The following TMC2 variants were observed in gnomAD, a reference collection of about 807,000 sequenced individuals.
The protein encoded by TMC2 is transmembrane channel-like protein 2.
TMC2 carries 102 observed loss-of-function variants against 105.9 expected under a neutral mutation model. The observed-to-expected ratio is 0.96, with a 90% CI of 0.82 to 1.14. TMC2 has a LOEUF of 1.14. Ranked by LOEUF, TMC2 falls within the 50% of genes most tolerant of loss-of-function variation. TMC2 has a pLI of 0.00. For synonymous variants in TMC2, 402 were observed against 422.8 expected (o/e 0.95, Z 0.60); for missense variants, 1,093 against 1,134.3 (o/e 0.96, Z 0.52).
intron 4 of TMC2, among the ~76,000 whole-genome samples, chr20:2,571,353 A>G (rs1374718378): frequency 1.3e-5 from 2 of 152,230 alleles, no homozygotes; most frequent in Non-Finnish European, 2.9e-5. Context: ...ATGAACAAAC[A>G]CTTCTCAAAA....
Position 2,562,162 on chromosome 20 carries a change from G to T in TMC2, c.554+152G>T, listed in dbSNP as rs927462517. 3.6e-5 allele frequency: 36 copies of T among 1,002,484 alleles called. No individual in the cohort carries two copies. In the African/African-American group the frequency reaches 4.5e-4, roughly 13 times the overall value. 62.1% of individuals were successfully genotyped at this position (1,002,484 alleles called of 1,614,324 possible). ...ACTCAGGGAGCCCCATGAGAGCCAA[G>T]GCGGCCGTGCTGTTCGCCAGCACCA... On this transcript the variant is annotated intron_variant, in intron 4 of 19. Transcript: ENST00000358864.
At chr20:2,599,539 A>ATT (rs11409325) in intron 10 of TMC2, among the ~76,000 whole-genome samples, 1,055 of 85,408 alleles carry the variant, frequency 0.012, 17 homozygotes, top group African/African-American at 0.029. Context: ...CTTTAATTAC[A>ATT]TTTTTTTTTT....
intron 14 of TMC2, among the ~76,000 whole-genome samples, chr20:2,614,847 T>C (rs563203484): frequency 2.0e-4 from 31 of 152,054 alleles, no homozygotes; most frequent in Middle Eastern, 3.4e-3. Flanking sequence ...ATTATATCCC[T>C]CATTCATTTC....
At position 2,602,282 on chromosome 20, in the gene TMC2, G is replaced by A. The variant is rs1270953705; in HGVS notation, c.1394G>A (p.Ser465Asn). The A allele has an allele frequency of 1.6e-5, 25 of 1,603,350 alleles. No homozygotes were observed. The highest frequency in any genetic ancestry group is 2.0e-5 in the Non-Finnish European group (24 of 1,175,614). The change falls in exon 11 of 20, where the codon AGC becomes AAC. Residue 465 changes from serine (S) to asparagine (N), a missense_variant. Physicochemically the swap from Ser to Asn is conservative, Grantham distance 46. Coordinates refer to ENST00000358864, the MANE Select transcript of TMC2 (RefSeq NM_080751.3). ...SQQFSKMQNV[S>N]WYERNEVEIV... ...CAATTCTCCAAAATGCAGAATGTCA[G>A]CTGGTATGAAAGGAATGAGGTAAGA...
In TMC2 at chr20:2,594,527, C is replaced by A. The variant is rs370381577; in HGVS notation, c.934-298C>A. ...ACGGGCGTGAGCCACAGTGCCCAAC[C>A]CCCTATCCCTAATTTGATCCCAAAT... On this transcript the variant is annotated intron_variant, in intron 8 of 19. Transcript: ENST00000358864. Among the ~76,000 whole-genome samples the A allele has an allele frequency of 1.1e-4, 16 of 152,258 alleles. 1 individual carries two copies. The East Asian group carries it at 1.7e-3, about 17-fold the overall frequency.
intron 5 of TMC2, among the ~76,000 whole-genome samples, chr20:2,573,561 CTTTTT>C (rs370771531): frequency 8.5e-6 from 1 of 117,002 alleles, no homozygotes; most frequent in Non-Finnish European, 1.8e-5. Context: ...CTTTTCTTTT[CTTTTT>C]TTTTTTTTTT....
At chr20:2,542,637 C>G (rs891941698) in intron 2 of TMC2, among the ~76,000 whole-genome samples, 7 of 151,922 alleles carry the variant, frequency 4.6e-5, no homozygotes, top group Non-Finnish European at 8.8e-5. Flanking sequence ...ACAATCCCAG[C>G]CATAATTTAT....
chr20:2,579,737 A>G (rs1600110697), intron 6 of TMC2, among the ~76,000 whole-genome samples: 1 of 152,154 alleles, frequency 6.6e-6, no homozygotes, highest in South Asian at 2.1e-4. Context: ...ACCAAGATTT[A>G]AATTCTGCTT....
In TMC2 at chr20:2,597,220, G is replaced by A. The variant is rs1348100700; in HGVS notation, c.1146G>A (p.Met382Ile). ...ACAACTTCACATTCAGCTTCAAGAT[G>A]TTCACCAGCTGGGACTACCTGATCG... ...ESDNFTFSFKMFTSWDYLIGN... is the reference protein window; with the variant it reads ...ESDNFTFSFKIFTSWDYLIGN... Residue 382 changes from methionine (M) to isoleucine (I), a missense_variant, in exon 10 of 20, where the codon ATG becomes ATA. Transcript: ENST00000358864. 1.8e-5 allele frequency: 29 copies of A among 1,613,982 alleles called. No homozygotes were observed. The highest frequency in any genetic ancestry group is 2.7e-5 in the African/African-American group (2 of 74,906).
intron 16 of TMC2, among the ~76,000 whole-genome samples, chr20:2,621,976 C>T (rs2086528259): frequency 6.6e-6 from 1 of 152,176 alleles, no homozygotes; most frequent in African/African-American, 2.4e-5. Flanking sequence ...ACATAAAAGC[C>T]TAACACGTAA....
intron 2 of TMC2, among the ~76,000 whole-genome samples, chr20:2,549,431 T>C (rs1324541132): frequency 6.6e-6 from 1 of 152,182 alleles, no homozygotes; most frequent in Non-Finnish European, 1.5e-5. Flanking sequence ...TTGTTGATGA[T>C]TTTTTGACTT....
intron 16 of TMC2, chr20:2,617,551 G>T: frequency 1.8e-6 from 1 of 541,662 alleles, no homozygotes; most frequent in Non-Finnish European, 3.3e-6. Context: ...TGCTTGAAAT[G>T]AGGAACTGAG....
intron 7 of TMC2, among the ~76,000 whole-genome samples, chr20:2,584,687 C>T (rs1366549458): frequency 6.6e-6 from 1 of 152,054 alleles, no homozygotes; most frequent in African/African-American, 2.4e-5. Context: ...TCCCCTTTTG[C>T]ATTACAGTAT....
chr20:2,577,530 T>TC (rs2086155841), intron 5 of TMC2, among the ~76,000 whole-genome samples: 1 of 152,154 alleles, frequency 6.6e-6, no homozygotes, highest in Non-Finnish European at 1.5e-5. Flanking sequence ...GACAGCTGGT[T>TC]CCCTTCTTTA....
chr20:2,609,853 T>C (rs2086422105), intron 11 of TMC2, among the ~76,000 whole-genome samples: 1 of 152,208 alleles, frequency 6.6e-6, no homozygotes, highest in Admixed American at 6.5e-5. Context: ...TTTTTGTTTG[T>C]TTTTGTTTTT....
At chr20:2,577,064 C>T (rs942487115) in intron 5 of TMC2, among the ~76,000 whole-genome samples, 2 of 151,972 alleles carry the variant, frequency 1.3e-5, no homozygotes, top group Admixed American at 6.6e-5. Flanking sequence ...CCTGCCACCA[C>T]GCCCAGCTAA....
rs973090317 is a variant in TMC2, at chr20:2,629,457, G to T, written c.2306+5061G>T. On this transcript the variant is annotated intron_variant, in intron 17 of 19. Coordinates refer to ENST00000358864, the MANE Select transcript of TMC2 (RefSeq NM_080751.3). The stretch of plus-strand genomic sequence containing the variant: ...AAACAACCAGGGAATGTAAGTCATT[G>T]TAACATAGGTATAAGAAATCAATAA... Among the ~76,000 whole-genome samples, 11 of 142,070 alleles carry T rather than the reference G, an allele frequency of 7.7e-5. No homozygotes were observed. The East Asian group carries it at 2.4e-3, about 31-fold the overall frequency. 93.2% of individuals were successfully genotyped at this position (142,070 alleles called of 152,430 possible).
chr20:2,643,320 C>T lies in TMC2; in HGVS notation c.*1969C>T, dbSNP rs1213447868. On this transcript the variant is annotated 3_prime_UTR_variant, in exon 20 of 20. Transcript: ENST00000358864. ...GGCCCAAAGATGGCCACCACACCAA[C>T]ACCTGGCCTTCTGCATCAGAATGCC... 6.6e-6 allele frequency among the ~76,000 whole-genome samples: 1 copy of T among 152,192 alleles called. No homozygotes were observed. The highest frequency in any genetic ancestry group is 1.9e-4 in the East Asian group (1 of 5,192).
intron 2 of TMC2, among the ~76,000 whole-genome samples, chr20:2,546,483 G>GTTGGGCATAAGCTGTAGATC (rs150035390): frequency 0.62 from 93,335 of 149,690 alleles, 29,285 homozygotes; most frequent in African/African-American, 0.68. Flanking sequence ...AACCTGCAGA[G>GTTGGGCATAAGCTGTAGATC]TTGGGCATAA....
Sources: gnomAD v4.1 joint callset for allele counts (sites outside exome capture counted in the v4.1 genomes callset) on GRCh38, gnomAD v4.1.1 for gene constraint, MANE v1.5 for transcripts, NCBI Gene and HGNC (gene_info 2026-07-23, HGNC 2026-07-21) for gene names.